Variants in NALF1 observed in about 807,000 individuals in gnomAD.
NALF1 encodes NALCN channel auxiliary factor 1, also known as family with sequence similarity 155 member A.
Under a neutral mutation model 48.4 loss-of-function variants are expected in NALF1, and 3 were observed. The ratio of observed to expected loss-of-function variants is 0.06; its 90% CI spans 0.03 to 0.16. The LOEUF (loss-of-function observed/expected upper bound fraction) is 0.16. Ranked by LOEUF, NALF1 falls within the 10% of genes least tolerant of loss-of-function variation. The pLI, the probability that NALF1 is intolerant of heterozygous loss-of-function variation, is 1.00. For missense variants in NALF1, 526 were observed against 571.5 expected, an observed-to-expected ratio of 0.92 and a Z score of 0.81; for synonymous variants, 262 against 245.7, an observed-to-expected ratio of 1.07 and a Z score of -0.62.
chr13:107,842,862 C>A (rs1594309048), intron 1 of NALF1, among the ~76,000 whole-genome samples: 1 of 152,052 alleles, frequency 6.6e-6, no homozygotes. Context: ...AAGAAGACAT[C>A]TGCCGGTGTG....
intron 2 of NALF1, among the ~76,000 whole-genome samples, chr13:107,183,760 G>A (rs190425545): frequency 6.6e-6 from 1 of 152,142 alleles, no homozygotes; most frequent in East Asian, 1.9e-4. Flanking sequence ...ACCAAACAAC[G>A]CATGTTCTCA....
At chr13:107,412,670 G>C (rs1416102437) in intron 1 of NALF1, among the ~76,000 whole-genome samples, 2 of 152,188 alleles carry the variant, frequency 1.3e-5, no homozygotes, top group Non-Finnish European at 2.9e-5. Context: ...TGTTATGGCT[G>C]TAACACAGCA....
chr13:107,715,295 C>A (rs557940280), intron 1 of NALF1, among the ~76,000 whole-genome samples: 1 of 151,886 alleles, frequency 6.6e-6, no homozygotes, highest in Non-Finnish European at 1.5e-5. Context: ...CTCCGCCTCC[C>A]GGGTTGAAAA....
At chr13:107,267,851 C>G (rs908859538) in intron 1 of NALF1, among the ~76,000 whole-genome samples, 6 of 152,094 alleles carry the variant, frequency 3.9e-5, no homozygotes, top group Non-Finnish European at 7.4e-5. Context: ...GACTAACAGG[C>G]TGGTAGCATA....
intron 1 of NALF1, among the ~76,000 whole-genome samples, chr13:107,363,502 A>G (rs567750956): frequency 6.6e-6 from 1 of 152,320 alleles, no homozygotes; most frequent in African/African-American, 2.4e-5. Flanking sequence ...CAGAGGCTGA[A>G]GTGGGAGGAC....
At chr13:107,852,825 T>C (rs375589822) in intron 1 of NALF1, among the ~76,000 whole-genome samples, 3 of 152,190 alleles carry the variant, frequency 2.0e-5, no homozygotes, top group East Asian at 1.9e-4. Flanking sequence ...TTCAGGGCCA[T>C]ACAAAATAAC....
intron 1 of NALF1, among the ~76,000 whole-genome samples, chr13:107,556,655 C>G (rs1877492494): frequency 8.8e-6 from 1 of 113,074 alleles, no homozygotes; most frequent in African/African-American, 3.1e-5. Context: ...CCCTGCCCAG[C>G]TTTTTGTATT....
At chr13:107,571,192 G>A (rs1477651498) in intron 1 of NALF1, among the ~76,000 whole-genome samples, 1 of 152,132 alleles carries the variant, frequency 6.6e-6, no homozygotes, top group African/African-American at 2.4e-5. Flanking sequence ...TGAGAGAAGT[G>A]TCTTTTTTTA....
intron 1 of NALF1, among the ~76,000 whole-genome samples, chr13:107,842,859 C>T (rs1331789921): frequency 6.6e-6 from 1 of 152,042 alleles, no homozygotes; most frequent in African/African-American, 2.4e-5. Flanking sequence ...GGGAAGAAGA[C>T]ATCTGCCGGT....
In NALF1 at chr13:107,741,562, G is replaced by T. The variant is rs140739224; in HGVS notation, c.915+124120C>A. On this transcript the variant is annotated intron_variant, in intron 1 of 2. Coordinates refer to ENST00000375915, the MANE Select transcript of NALF1 (RefSeq NM_001080396.3). ...AATGATGGTACTATAAACGGGAAGA[G>T]AAATATCTTGCAATAATACAAGGGA... Among the ~76,000 whole-genome samples, 15 of 152,170 alleles carry T rather than the reference G, an allele frequency of 9.9e-5. No homozygotes were observed. The East Asian group carries it at 1.4e-3, about 14-fold the overall frequency.
chr13:107,738,025 G>C (rs1026672530), intron 1 of NALF1, among the ~76,000 whole-genome samples: 5 of 152,046 alleles, frequency 3.3e-5, no homozygotes, highest in African/African-American at 9.7e-5. Context: ...TTGATACTAA[G>C]ACACAAAACT....
intron 1 of NALF1, among the ~76,000 whole-genome samples, chr13:107,776,783 G>A (rs1319201940): frequency 6.6e-6 from 1 of 152,142 alleles, no homozygotes; most frequent in Admixed American, 6.5e-5. Context: ...AGTTTTAGTG[G>A]TGGCTTAATA....
chr13:107,435,727 T>C (rs1884453328), intron 1 of NALF1, among the ~76,000 whole-genome samples: 1 of 151,870 alleles, frequency 6.6e-6, no homozygotes, highest in Non-Finnish European at 1.5e-5. Context: ...GTGGGAACTT[T>C]TGATAAGTAT....
chr13:107,341,880 A>AACACACACACACACAC (rs57041785), intron 1 of NALF1, among the ~76,000 whole-genome samples: 2 of 146,704 alleles, frequency 1.4e-5, no homozygotes, highest in Admixed American at 1.4e-4. Context: ...TGCACATGCA[A>AACACACACACACACAC]ACACACACAC....
At chr13:107,684,500 G>A (rs1256510016) in intron 1 of NALF1, among the ~76,000 whole-genome samples, 1 of 152,130 alleles carries the variant, frequency 6.6e-6, no homozygotes, top group African/African-American at 2.4e-5. Flanking sequence ...CAGGAGGGAT[G>A]AGTCCCAAGT....
At chr13:107,623,804 T>A (rs1205549593) in intron 1 of NALF1, among the ~76,000 whole-genome samples, 2 of 152,126 alleles carry the variant, frequency 1.3e-5, no homozygotes, top group Non-Finnish European at 2.9e-5. Context: ...GAGGAAAGCC[T>A]TCATGAACTA....
At chr13:107,740,931 A>G (rs180748427) in intron 1 of NALF1, among the ~76,000 whole-genome samples, 1 of 152,308 alleles carries the variant, frequency 6.6e-6, no homozygotes, top group African/African-American at 2.4e-5. Context: ...GGCAGTAAAG[A>G]ACAACTGTAA....
chr13:107,420,671 T>C (rs9587387), intron 1 of NALF1, among the ~76,000 whole-genome samples: 34,630 of 152,072 alleles, frequency 0.23, 4,227 homozygotes, highest in Middle Eastern at 0.29. Flanking sequence ...GAAGAAGCAA[T>C]CATACATATA....
intron 1 of NALF1, among the ~76,000 whole-genome samples, chr13:107,450,335 T>TG (rs1325829304): frequency 6.6e-6 from 1 of 151,980 alleles, no homozygotes; most frequent in Non-Finnish European, 1.5e-5. Context: ...CCACGGGGAC[T>TG]GGGGGCCTTG....
Sources: gnomAD v4.1 joint callset for allele counts (sites outside exome capture counted in the v4.1 genomes callset) on GRCh38, gnomAD v4.1.1 for gene constraint, MANE v1.5 for transcripts, NCBI Gene and HGNC (gene_info 2026-07-23, HGNC 2026-07-21) for gene names.